Variants in LYPLA1 observed in about 807,000 individuals in gnomAD.
The protein encoded by LYPLA1 is lysophospholipase 1.
In LYPLA1, 17 loss-of-function variants were observed where a neutral mutation model predicts 34.0. The ratio of observed to expected loss-of-function variants is 0.50; its 90% CI spans 0.34 to 0.75. LYPLA1 has a LOEUF of 0.75. Ranked by LOEUF, LYPLA1 falls within the 30% of genes least tolerant of loss-of-function variation. The probability of loss-of-function intolerance (pLI) is 0.01; values close to 1 mark genes in which losing one functional copy is unlikely to be tolerated. For missense variants in LYPLA1, 203 were observed against 288.8 expected, an observed-to-expected ratio of 0.70 and a Z score of 2.15; for synonymous variants, 98 against 100.8, an observed-to-expected ratio of 0.97 and a Z score of 0.17.
In LYPLA1 at chr8:54,048,578, G is replaced by A. The variant is rs541857773; in HGVS notation, c.640-460C>T. ...CAACTAACCATTTGATAGAGAGCAT[G>A]TACCTAAGATGTTCCTGGGAAGATA... On this transcript the variant is annotated intron_variant, in intron 8 of 8. Coordinates refer to ENST00000316963, the MANE Select transcript of LYPLA1 (RefSeq NM_006330.4). Among the ~76,000 whole-genome samples the A allele has an allele frequency of 1.2e-4, 18 of 152,284 alleles. 1 individual carries two copies. The highest frequency in any genetic ancestry group is 8.5e-4 in the Admixed American group (13 of 15,292).
intron 2 of LYPLA1, chr8:54,072,966 C>T (rs1207031576): frequency 3.1e-5 from 10 of 327,576 alleles, no homozygotes; most frequent in South Asian, 2.7e-4. Context: ...ATACATGTGG[C>T]CAACAAGCAT....
chr8:54,087,165 C>T (rs560240036), intron 2 of LYPLA1, among the ~76,000 whole-genome samples: 1 of 152,206 alleles, frequency 6.6e-6, no homozygotes, highest in African/African-American at 2.4e-5. Flanking sequence ...CAAAAACATC[C>T]TAAGAGCTAT....
rs894504404 is a variant in LYPLA1 at position 54,047,381 on chromosome 8, A to T, written c.*684T>A. 3.3e-5 allele frequency: 5 copies of T among 152,086 alleles called. No homozygotes were observed. Among genetic ancestry groups the T allele is most frequent in the Admixed American group, 2.0e-4 (3 of 15,266 alleles). 9.4% of individuals were successfully genotyped at this position (152,086 alleles called of 1,614,324 possible). On this transcript the variant is annotated 3_prime_UTR_variant, in exon 9 of 9. Transcript: ENST00000316963. ...GGCAATACTTGGCCTGCTATGAAGGACAATAAAGAAAAAACAAACTTTTTT... is the reference window on the plus strand; with the variant it reads ...GGCAATACTTGGCCTGCTATGAAGGTCAATAAAGAAAAAACAAACTTTTTT...
chr8:54,073,950 G>A (rs1358790113), intron 2 of LYPLA1, among the ~76,000 whole-genome samples: 1 of 152,112 alleles, frequency 6.6e-6, no homozygotes, highest in Non-Finnish European at 1.5e-5. Context: ...GAGTAGAGGT[G>A]ATCAAAATCA....
chr8:54,047,349 G>C lies in LYPLA1; in HGVS notation c.*716C>G, dbSNP rs544979371. 7.2e-5 allele frequency: 11 copies of C among 151,826 alleles called. No individual in the cohort carries two copies. Among genetic ancestry groups the C allele is most frequent in the African/African-American group, 2.7e-4 (11 of 41,450 alleles). 9.4% of individuals were successfully genotyped at this position (151,826 alleles called of 1,614,324 possible). On this transcript the variant is annotated 3_prime_UTR_variant, in exon 9 of 9. Transcript: ENST00000316963. ...CATGTATTGACAGTAGCTGTCTATT[G>C]CAGAGAGGCAATACTTGGCCTGCTA...
At chr8:54,097,867 T>C (rs1028934230) in intron 2 of LYPLA1, among the ~76,000 whole-genome samples, 1 of 152,228 alleles carries the variant, frequency 6.6e-6, no homozygotes, top group Non-Finnish European at 1.5e-5. Flanking sequence ...TATAACAATA[T>C]GACAACATCA....
At chr8:54,072,708 G>A (rs934014932) in intron 2 of LYPLA1, among the ~76,000 whole-genome samples, 4 of 151,972 alleles carry the variant, frequency 2.6e-5, no homozygotes, top group Non-Finnish European at 4.4e-5. Flanking sequence ...GGGCGTGGTC[G>A]TGGCTCATGC....
chr8:54,078,491 T>C (rs1808067825), intron 2 of LYPLA1, among the ~76,000 whole-genome samples: 1 of 152,186 alleles, frequency 6.6e-6, no homozygotes, highest in African/African-American at 2.4e-5. Context: ...TTTCCAACTT[T>C]ACAATGGCAC....
chr8:54,060,724 C>CGAG (rs953615835), intron 5 of LYPLA1, among the ~76,000 whole-genome samples: 2 of 147,514 alleles, frequency 1.4e-5, no homozygotes, highest in African/African-American at 5.0e-5. Flanking sequence ...ACACAGTCTC[C>CGAG]CTCTGTCACC....
chr8:54,056,327 A>G (rs1236417024), intron 5 of LYPLA1, among the ~76,000 whole-genome samples: 2 of 152,206 alleles, frequency 1.3e-5, no homozygotes, highest in African/African-American at 4.8e-5. Context: ...CTAAGATCTC[A>G]AACTATGAAA....
chr8:54,052,597 A>G (rs1805920930), intron 7 of LYPLA1, 58 bp downstream of exon 7: 1 of 1,078,486 alleles, frequency 9.3e-7, no homozygotes, highest in Non-Finnish European at 1.4e-6. Flanking sequence ...ATCTCCAACA[A>G]TATCTACTAG....
At chr8:54,061,215 G>T (rs1806606982) in intron 5 of LYPLA1, among the ~76,000 whole-genome samples, 1 of 151,806 alleles carries the variant, frequency 6.6e-6, no homozygotes, top group Admixed American at 6.6e-5. Flanking sequence ...CAAGTAGCTG[G>T]AATTACAGGC....
chr8:54,097,848 T>A (rs549020429), intron 2 of LYPLA1, among the ~76,000 whole-genome samples: 33 of 152,298 alleles, frequency 2.2e-4, no homozygotes, highest in African/African-American at 7.9e-4. Flanking sequence ...TTAACAATAA[T>A]AAAACAATTA....
chr8:54,101,234 A>C, intron 1 of LYPLA1: 1 of 673,500 alleles, frequency 1.5e-6, no homozygotes. Flanking sequence ...TTTCAAGTGA[A>C]ATCAGGAACA....
At chr8:54,063,569 C>G (rs1806819200) in intron 3 of LYPLA1, among the ~76,000 whole-genome samples, 194 bp from the exon 4 acceptor site, 1 of 152,308 alleles carries the variant, frequency 6.6e-6, no homozygotes, top group East Asian at 1.9e-4. Flanking sequence ...GTTCTGAAGA[C>G]AGAGCAACAG....
chr8:54,052,967 G>T, intron 6 of LYPLA1: 1 of 484,756 alleles, frequency 2.1e-6, no homozygotes, highest in East Asian at 2.9e-5. Context: ...CTTCCTTTCC[G>T]ACGAGACATA....
intron 2 of LYPLA1, chr8:54,073,199 A>C: frequency 1.3e-6 from 1 of 781,478 alleles, no homozygotes; most frequent in South Asian, 1.3e-5. Context: ...CGGTCTTCCC[A>C]ACTTGTGCCG....
chr8:54,070,062 C>T lies in LYPLA1; in HGVS notation c.102-4249G>A, dbSNP rs138945669. Among the ~76,000 whole-genome samples, 338 of 152,296 alleles carry T rather than the reference C, an allele frequency of 2.2e-3. 1 individual carries two copies. The highest frequency in any genetic ancestry group is 7.7e-3 in the African/African-American group (320 of 41,558). ...GTTGGTAGAAATGTAAATGGTGCAGCGACTTTAGATAACCTTTAGGTTCTC... is the reference window on the plus strand; with the variant it reads ...GTTGGTAGAAATGTAAATGGTGCAGTGACTTTAGATAACCTTTAGGTTCTC... On this transcript the variant is annotated intron_variant, in intron 2 of 8. Transcript: ENST00000316963.
chr8:54,043,588 G>C (rs1805422076), downstream of LYPLA1, among the ~76,000 whole-genome samples: 1 of 151,746 alleles, frequency 6.6e-6, no homozygotes, highest in Non-Finnish European at 1.5e-5. Context: ...TTATTTTTTA[G>C]GCAAAGTTTA....
Sources: gnomAD v4.1 joint callset for allele counts (sites outside exome capture counted in the v4.1 genomes callset) on GRCh38, gnomAD v4.1.1 for gene constraint, MANE v1.5 for transcripts, NCBI Gene and HGNC (gene_info 2026-07-23, HGNC 2026-07-21) for gene names.